The following STIM1 variants were observed in gnomAD, a reference collection of about 807,000 sequenced individuals.
STIM1 encodes stromal interaction molecule 1.
A neutral mutation model predicts 74.7 loss-of-function variants in STIM1; 25 were observed. The ratio of observed to expected loss-of-function variants is 0.33; its 90% CI spans 0.24 to 0.47. The LOEUF is 0.47. Ranked by LOEUF, STIM1 falls within the 20% of genes least tolerant of loss-of-function variation. STIM1 has a pLI of 1.00. For synonymous variants in STIM1, 328 were observed against 348.8 expected (o/e 0.94, Z 0.66); for missense variants, 728 against 920.8 (o/e 0.79, Z 2.71).
Position 3,972,404 on chromosome 11 carries a change from A to T in STIM1, c.270+4722A>T, listed in dbSNP as rs372966772. ...CTAGATTCCTATATACATTCTTATG[A>T]TTGCCTCTTATAGTTATCTTCTTAT... On this transcript the variant is annotated intron_variant, in intron 2 of 12. Transcript: ENST00000526596. Among the ~76,000 whole-genome samples, 25 of 152,214 alleles carry T rather than the reference A, an allele frequency of 1.6e-4. No individual in the cohort carries two copies. In the South Asian group the frequency reaches 3.5e-3, roughly 21 times the overall value.
chr11:3,949,868 G>A (rs569189323), intron 1 of STIM1, among the ~76,000 whole-genome samples: 20 of 152,062 alleles, frequency 1.3e-4, no homozygotes, highest in Non-Finnish European at 2.6e-4. Flanking sequence ...AGTTTTACTT[G>A]TACTCATCTA....
chr11:3,863,284 G>GAC (rs200038874), intron 1 of STIM1, among the ~76,000 whole-genome samples: 4 of 1,268 alleles, frequency 3.2e-3, no homozygotes, highest in Non-Finnish European at 5.6e-3. Flanking sequence ...TTGAGACAGG[G>GAC]TCTCTCTGTC....
At chr11:3,997,701 TAATTCATTATCATTGGGAATTGGG>T (rs2093675564) in intron 2 of STIM1, among the ~76,000 whole-genome samples, 1 of 152,174 alleles carries the variant, frequency 6.6e-6, no homozygotes, top group African/African-American at 2.4e-5. Flanking sequence ...GAGTTTTAAG[TAATTCATTATCATTGGGAATTGGG>T]AATTCATTAT....
At chr11:3,996,340 G>C (rs1487577735) in intron 2 of STIM1, among the ~76,000 whole-genome samples, 1 of 152,144 alleles carries the variant, frequency 6.6e-6, no homozygotes, top group Non-Finnish European at 1.5e-5. Context: ...TTATGAGCCA[G>C]GGCAATGCCA....
At chr11:3,905,046 C>A (rs1382036659) in intron 1 of STIM1, among the ~76,000 whole-genome samples, 2 of 151,854 alleles carry the variant, frequency 1.3e-5, no homozygotes, top group African/African-American at 2.4e-5. Flanking sequence ...AGGGAGGGAG[C>A]CTGAGGAGGG....
chr11:3,886,913 A>AATCACTTTT (rs1224082066), intron 1 of STIM1, among the ~76,000 whole-genome samples: 35 of 151,866 alleles, frequency 2.3e-4, no homozygotes, highest in African/African-American at 8.5e-4. Flanking sequence ...GAGGCAGTAG[A>AATCACTTTT]ATCACTTTTC....
chr11:3,867,871 A>AGGCAGGCAG lies in STIM1; in HGVS notation c.139+11463_139+11464insGCAGGCAGG, dbSNP rs1565095366. On this transcript the variant is annotated intron_variant, in intron 1 of 12. Coordinates refer to ENST00000526596, the MANE Select transcript of STIM1 (RefSeq NM_001382567.1). ...AGGCAGGCAGGCAGGCAGGCAGGCA[A>AGGCAGGCAG]GCAGGCAGGCTTTCAAATCTCATGT... is the stretch of plus-strand genomic sequence containing the variant. 2.9e-3 allele frequency among the ~76,000 whole-genome samples: 343 copies of AGGCAGGCAG among 118,704 alleles called. 6 individuals are homozygous for AGGCAGGCAG. Among genetic ancestry groups the AGGCAGGCAG allele is most frequent in the Non-Finnish European group, 2.7e-3 (131 of 49,226 alleles). 77.9% of individuals were successfully genotyped at this position (118,704 alleles called of 152,430 possible). A position where few individuals can be genotyped will look rare whatever the true frequency, so the allele number is the denominator to read the frequency against.
intron 1 of STIM1, among the ~76,000 whole-genome samples, chr11:3,904,490 C>G (rs1331966304): frequency 2.0e-5 from 3 of 152,104 alleles, no homozygotes; most frequent in Non-Finnish European, 4.4e-5. Context: ...TGGTAAAGAG[C>G]TTAAATCCTA....
In STIM1 at chr11:3,895,679, CTTCCTTCT is replaced by C. The variant is rs1565104906; in HGVS notation, c.139+39274_139+39281del. On this transcript the variant is annotated intron_variant, in intron 1 of 12. Coordinates refer to ENST00000526596, the MANE Select transcript of STIM1 (RefSeq NM_001382567.1). ...CTTTCTTTCTTTCTTTCTTTCCTTCCTTCCTTCTTTCTTTCTTTCTTTCTTTCTTTCTT... is the reference window on the plus strand; with the variant it reads ...CTTTCTTTCTTTCTTTCTTTCCTTCCTTCTTTCTTTCTTTCTTTCTTTCTT... Among the ~76,000 whole-genome samples, 12 of 47,340 alleles carry C rather than the reference CTTCCTTCT, an allele frequency of 2.5e-4. 1 individual carries two copies. Among genetic ancestry groups the C allele is most frequent in the African/African-American group, 7.9e-4 (6 of 7,596 alleles). The allele number at this position is 47,340 out of a possible 152,430, so 31.1% of individuals were successfully genotyped here.
intron 2 of STIM1, among the ~76,000 whole-genome samples, chr11:4,023,559 C>A (rs377755901): frequency 3.4e-4 from 51 of 152,184 alleles, no homozygotes; most frequent in African/African-American, 1.2e-3. Flanking sequence ...TAAATTCTTC[C>A]TTTTTTCTTT....
intron 1 of STIM1, among the ~76,000 whole-genome samples, chr11:3,937,319 A>ATAATAATAATAATAATAAT (rs55981710): frequency 6.7e-6 from 1 of 148,980 alleles, no homozygotes; most frequent in Admixed American, 6.7e-5. Flanking sequence ...AATAATAATA[A>ATAATAATAATAATAATAAT]AATATCTGGA....
intron 2 of STIM1, chr11:3,973,146 T>G (rs2135760043): frequency 9.7e-6 from 4 of 413,292 alleles, no homozygotes; most frequent in South Asian, 7.3e-5. Flanking sequence ...CTATAACCAC[T>G]GTTGTTACCA....
At chr11:3,921,048 GGCTTCCCAAAGT>G (rs1341711055) in intron 1 of STIM1, among the ~76,000 whole-genome samples, 1 of 152,046 alleles carries the variant, frequency 6.6e-6, no homozygotes, top group African/African-American at 2.4e-5. Context: ...TGCCCACCTT[GGCTTCCCAAAGT>G]GCTGGGATTA....
intron 3 of STIM1, among the ~76,000 whole-genome samples, chr11:4,053,265 T>C (rs1010935513): frequency 2.0e-5 from 3 of 152,198 alleles, no homozygotes; most frequent in African/African-American, 7.2e-5. Flanking sequence ...CATGCTGCTA[T>C]AAAGACACAT....
intron 1 of STIM1, among the ~76,000 whole-genome samples, chr11:3,935,171 C>T (rs2092917757): frequency 1.3e-5 from 2 of 152,170 alleles, no homozygotes; most frequent in African/African-American, 4.8e-5. Context: ...GGGCTGAGAG[C>T]CTGAAACAAG....
chr11:3,884,772 A>G (rs1590525309), intron 1 of STIM1, among the ~76,000 whole-genome samples: 3 of 148,128 alleles, frequency 2.0e-5, no homozygotes, highest in Non-Finnish European at 1.5e-5. Flanking sequence ...ACAGAGCCAG[A>G]CCCCATCTCA....
intron 1 of STIM1, among the ~76,000 whole-genome samples, chr11:3,939,741 C>T (rs2092981836): frequency 6.6e-6 from 1 of 152,112 alleles, no homozygotes; most frequent in African/African-American, 2.4e-5. Flanking sequence ...ATGAATGAAT[C>T]AGAACATAGA....
At chr11:3,909,577 C>A (rs974165767) in intron 1 of STIM1, among the ~76,000 whole-genome samples, 1 of 152,168 alleles carries the variant, frequency 6.6e-6, no homozygotes, top group Admixed American at 6.5e-5. Context: ...GTAATCCCAG[C>A]ACTTTGAGAG....
At chr11:4,022,256 G>A (rs1042155883) in intron 2 of STIM1, among the ~76,000 whole-genome samples, 1 of 149,588 alleles carries the variant, frequency 6.7e-6, no homozygotes, top group African/African-American at 2.5e-5. Flanking sequence ...GATCTCTTGA[G>A]GCCCAGGAGG....
Sources: gnomAD v4.1 joint callset for allele counts (sites outside exome capture counted in the v4.1 genomes callset) on GRCh38, gnomAD v4.1.1 for gene constraint, MANE v1.5 for transcripts, NCBI Gene and HGNC (gene_info 2026-07-23, HGNC 2026-07-21) for gene names.